PICK1: variants seen among roughly 807,000 people sequenced by gnomAD.
PICK1 encodes PRKCA-binding protein.
PICK1 carries 23 observed loss-of-function variants against 48.9 expected under a neutral mutation model. That is an observed-to-expected ratio of 0.47 (90% CI 0.34 to 0.67). PICK1 has a LOEUF of 0.67. PICK1 is among the 30% of genes least tolerant of loss of function. The pLI, the probability that PICK1 is intolerant of heterozygous loss-of-function variation, is 0.01. For missense variants in PICK1, 423 were observed against 557.1 expected (o/e 0.76, Z 2.42); for synonymous variants, 217 against 228.2 (o/e 0.95, Z 0.44).
At chr22:38,063,642 CTT>C (rs201143064) in intron 3 of PICK1, among the ~76,000 whole-genome samples, 6 of 131,600 alleles carry the variant, frequency 4.6e-5, no homozygotes, top group Non-Finnish European at 6.6e-5. Context: ...CTTCTCTGTT[CTT>C]TTTTTTTTTT....
intron 4 of PICK1, among the ~76,000 whole-genome samples, chr22:38,065,698 C>G (rs1261445331): frequency 6.6e-6 from 1 of 152,184 alleles, no homozygotes; most frequent in African/African-American, 2.4e-5. Context: ...TTTCCCCCAC[C>G]CCTGCCGCTC....
chr22:38,064,471 A>G (rs190409754), intron 3 of PICK1, among the ~76,000 whole-genome samples: 1 of 152,056 alleles, frequency 6.6e-6, no homozygotes, highest in Non-Finnish European at 1.5e-5. Flanking sequence ...GTCAAAAATC[A>G]TTTGATGCCG....
In PICK1 at chr22:38,067,666, G is replaced by A. The variant is rs2085563615; in HGVS notation, c.283-38G>A. 1.9e-6 allele frequency: 3 copies of A among 1,587,870 alleles called. No homozygotes were observed. The Admixed American group carries it at 5.0e-5, about 26-fold the overall frequency. On this transcript the variant is annotated intron_variant, in intron 4 of 12. Coordinates refer to ENST00000356976, the MANE Select transcript of PICK1 (RefSeq NM_012407.4). ...TGGCTGGGAAGGGGCTCAGGGTGTG[G>A]AGCCTCGCTCACTAGTCTGTGTGTG...
intron 5 of PICK1, 52 bp downstream of exon 5, chr22:38,067,822 C>A: frequency 6.8e-7 from 1 of 1,481,330 alleles, no homozygotes; most frequent in Non-Finnish European, 9.4e-7. Context: ...TGGATGGGCC[C>A]TGGCCCAAAG....
At chr22:38,063,206 G>T (rs1407241623) in intron 3 of PICK1, among the ~76,000 whole-genome samples, 4 of 151,616 alleles carry the variant, frequency 2.6e-5, no homozygotes, top group African/African-American at 9.7e-5. Context: ...GCCCAGGCTG[G>T]AGTGCAGGGG....
rs1601932911 is a variant in PICK1, at chr22:38,057,630, T to A, written c.-58+43T>A. 1.2e-5 allele frequency: 6 copies of A among 509,706 alleles called. No homozygotes were observed. In the East Asian group the frequency reaches 1.9e-4, roughly 16 times the overall value. 31.6% of individuals were successfully genotyped at this position (509,706 alleles called of 1,614,324 possible). ...AGCCCCCCACCCGGAGACTGTCCCATCCCACTCCAGAGGGAAGAGGAGGGC... is the reference window on the plus strand; with the variant it reads ...AGCCCCCCACCCGGAGACTGTCCCAACCCACTCCAGAGGGAAGAGGAGGGC... On this transcript the variant is annotated intron_variant, in intron 1 of 12. Coordinates refer to ENST00000356976, the MANE Select transcript of PICK1 (RefSeq NM_012407.4).
chr22:38,070,772 C>A, intron 6 of PICK1, 66 bp from the exon 7 acceptor site: 2 of 1,427,930 alleles, frequency 1.4e-6, no homozygotes, highest in Non-Finnish European at 2.0e-6. Flanking sequence ...CCCTCCCCAG[C>A]ATGGCCCTGG....
intron 3 of PICK1, among the ~76,000 whole-genome samples, chr22:38,064,642 C>T (rs139002855): frequency 0.038 from 5,718 of 152,138 alleles, 141 homozygotes; most frequent in East Asian, 0.073. Flanking sequence ...ATGCCTGTAA[C>T]CCCAGCTACT....
In PICK1 at chr22:38,071,733, A is replaced by C. The variant is rs753896605; in HGVS notation, c.545A>C (p.Gln182Pro). Residue 182 changes from glutamine to proline, a missense_variant, in exon 8 of 13, where the codon CAG (glutamine) becomes CCG (proline). Physicochemically the swap from Gln to Pro is moderately conservative, Grantham distance 76. This residue lies in a region of PICK1 where 279 missense variants were observed against 417.8 expected (regional missense o/e 0.67). Coordinates refer to ENST00000356976, the MANE Select transcript of PICK1 (RefSeq NM_012407.4). ...CTACGGGCCTTTTATGAGCTGTCGCAGACTCACCGGGGTAATGGCATCCCC... is the reference window on the plus strand; with the variant it reads ...CTACGGGCCTTTTATGAGCTGTCGCCGACTCACCGGGGTAATGGCATCCCC... Reference protein sequence around the residue: ...NLLRAFYELSQTHRAFGDVFS... With the variant: ...NLLRAFYELSPTHRAFGDVFS... 6.2e-7 allele frequency: 1 copy of C among 1,613,228 alleles called. No homozygotes were observed. The highest frequency in any genetic ancestry group is 1.3e-5 in the African/African-American group (1 of 74,914).
intron 3 of PICK1, among the ~76,000 whole-genome samples, chr22:38,063,196 G>A (rs972841069): frequency 4.0e-5 from 6 of 149,720 alleles, no homozygotes; most frequent in East Asian, 3.9e-4. Flanking sequence ...TTGCTCTGTC[G>A]CCCAGGCTGG....
At chr22:38,072,874 C>A in intron 9 of PICK1, 126 bp from the exon 10 acceptor site, 1 of 841,558 alleles carries the variant, frequency 1.2e-6, no homozygotes, top group Admixed American at 1.7e-5. Context: ...AGGGACAAGG[C>A]ATCAGGGAGC....
intron 4 of PICK1, chr22:38,067,392 C>T: frequency 5.5e-6 from 2 of 363,918 alleles, no homozygotes. Flanking sequence ...TCACTGCAAC[C>T]TCCGCCTCCC....
At chr22:38,061,064 G>A (rs892015545) in intron 3 of PICK1, among the ~76,000 whole-genome samples, 47 of 151,836 alleles carry the variant, frequency 3.1e-4, no homozygotes, top group Admixed American at 1.1e-3. Flanking sequence ...AGAACTGGCC[G>A]GGTGCGGTGG....
chr22:38,064,986 C>G lies in PICK1; in HGVS notation c.154-16C>G, dbSNP rs373308734. 6.2e-7 allele frequency: 1 copy of G among 1,613,824 alleles called. No individual in the cohort carries two copies. On this transcript the variant is annotated splice_polypyrimidine_tract_variant and intron_variant, in intron 3 of 12. Transcript: ENST00000356976. ...CCTCCCTTTCTTCCCCCACCACTCT[C>G]CTTATGCACCCACAGGTATTTGACA...
rs10639701 is a variant in PICK1 at position 38,060,751 on chromosome 22, A to ATTT, written c.153+1419_153+1421dup. On this transcript the variant is annotated intron_variant, in intron 3 of 12. Transcript: ENST00000356976. ...CAGACATCATAAAATAGTATAATTG[A>ATTT]TTTTTTTTTTTTTTTGAGACAGAGT... is the stretch of plus-strand genomic sequence containing the variant. Among the ~76,000 whole-genome samples the ATTT allele has an allele frequency of 1.2e-3, 173 of 142,206 alleles. 2 individuals are homozygous for ATTT. The highest frequency in any genetic ancestry group is 1.8e-3 in the Non-Finnish European group (118 of 65,574). The allele number at this position is 142,206 out of a possible 152,430, so 93.3% of individuals were successfully genotyped here. A position where few individuals can be genotyped will look rare whatever the true frequency, so the allele number is the denominator to read the frequency against.
rs1415020764 is a variant in PICK1 at position 38,070,851 on chromosome 22, G to C, written c.453G>C (p.Lys151Asn). 1.9e-6 allele frequency: 3 copies of C among 1,613,898 alleles called. No individual in the cohort carries two copies. The highest frequency in any genetic ancestry group is 2.5e-6 in the Non-Finnish European group (3 of 1,180,012). Residue 151 changes from lysine to asparagine, a missense_variant, in exon 7 of 13, where the codon AAG becomes AAC. Around this residue, in one of 2 missense-constraint regions of PICK1, gnomAD observed 279 missense variants for 417.8 expected, o/e 0.67. Coordinates refer to ENST00000356976, the MANE Select transcript of PICK1 (RefSeq NM_012407.4). ...RAILCNDGLVKRLEELERTAE... is the reference protein window; with the variant it reads ...RAILCNDGLVNRLEELERTAE... ...GAATCCCGACAGATGGGCTTGTCAA[G>C]AGGCTAGAGGAGCTGGAGCGGACCG...
intron 6 of PICK1, 111 bp downstream of exon 6, chr22:38,069,233 CT>C (rs2085613605): frequency 1.3e-6 from 1 of 769,204 alleles, no homozygotes; most frequent in Non-Finnish European, 2.2e-6. Flanking sequence ...GGGTCTGACC[CT>C]GGCCTCTGCC....
At chr22:38,062,498 T>C (rs921312682) in intron 3 of PICK1, among the ~76,000 whole-genome samples, 7 of 152,186 alleles carry the variant, frequency 4.6e-5, no homozygotes, top group Non-Finnish European at 7.3e-5. Context: ...TCCACCTGCC[T>C]CGACCTCCCA....
Position 38,073,017 on chromosome 22 carries a change from C to G in PICK1, c.708C>G (p.Asn236Lys). ...TCTTCCAGATGCTGACGGATCTGAA[C>G]ACGTACCTCAACAAAGCCATCCCGG... ...KTIKPMLTDL[N>K]TYLNKAIPDT... The change falls in exon 10 of 13, where the codon AAC becomes AAG. Residue 236 changes from asparagine to lysine, a missense_variant. Transcript: ENST00000356976. This position sits in a 1 kb window ranked among gnomAD's most constrained non-coding sequence, Gnocchi z 5.7. 1.2e-6 allele frequency: 2 copies of G among 1,613,370 alleles called. No homozygotes were observed. Among genetic ancestry groups the G allele is most frequent in the Non-Finnish European group, 1.7e-6 (2 of 1,179,382 alleles).
Sources: allele counts gnomAD v4.1 joint callset (sites outside exome capture counted in the v4.1 genomes callset), GRCh38; gene constraint gnomAD v4.1.1; regional missense constraint gnomAD v4.1.1; non-coding constraint Gnocchi (gnomAD v3.1); transcripts MANE v1.5; gene names NCBI Gene and HGNC (gene_info 2026-07-23, HGNC 2026-07-21).